Variants in CSMD1 observed in about 807,000 individuals in gnomAD.
CSMD1 encodes CUB and sushi domain-containing protein 1.
Under a neutral mutation model 417.5 loss-of-function variants are expected in CSMD1, and 213 were observed. The observed-to-expected ratio is 0.51, with a 90% CI of 0.46 to 0.57. The LOEUF (loss-of-function observed/expected upper bound fraction) is 0.57. Ranked by LOEUF, CSMD1 falls within the 20% of genes least tolerant of loss-of-function variation. The pLI is 0.00. For missense variants in CSMD1, 6,923 were observed against 4,529.7 expected (o/e 1.53, Z -15.17); for synonymous variants, 2,862 against 1,736.8 (o/e 1.65, Z -16.11).
intron 6 of CSMD1, among the ~76,000 whole-genome samples, chr8:3,715,333 T>C (rs2720790): frequency 0.84 from 128,371 of 152,058 alleles, 54,476 homozygotes; most frequent in East Asian, 0.93. Context: ...TCTACTGTGG[T>C]TGTTTTCCTG....
chr8:4,986,973 A>T (rs1036287104), intron 1 of CSMD1, among the ~76,000 whole-genome samples: 2 of 152,300 alleles, frequency 1.3e-5, no homozygotes, highest in Non-Finnish European at 2.9e-5. Context: ...TATATAATAC[A>T]TAGATAATGT....
chr8:4,257,535 G>T (rs770096960), intron 3 of CSMD1, among the ~76,000 whole-genome samples: 32 of 151,928 alleles, frequency 2.1e-4, no homozygotes, highest in Non-Finnish European at 4.4e-4. Context: ...TTTGAATAAA[G>T]TCCTTTCAAT....
intron 7 of CSMD1, among the ~76,000 whole-genome samples, chr8:3,631,846 T>C (rs1173944274): frequency 1.3e-5 from 2 of 152,202 alleles, no homozygotes; most frequent in African/African-American, 4.8e-5. Context: ...TTAATTTATC[T>C]TTAAAACGTG....
chr8:3,336,513 T>A (rs960936728), intron 23 of CSMD1, among the ~76,000 whole-genome samples: 1 of 152,228 alleles, frequency 6.6e-6, no homozygotes, highest in East Asian at 1.9e-4. Context: ...GCTTCACAGA[T>A]AAAATCAACA....
intron 3 of CSMD1, among the ~76,000 whole-genome samples, chr8:4,064,902 A>C (rs1799166303): frequency 6.6e-6 from 1 of 150,588 alleles, no homozygotes; most frequent in South Asian, 2.1e-4. Context: ...CAAAGTGGTC[A>C]ATTCCATTGA....
intron 3 of CSMD1, among the ~76,000 whole-genome samples, chr8:4,324,082 C>T (rs1469963738): frequency 6.6e-6 from 1 of 152,160 alleles, no homozygotes; most frequent in East Asian, 1.9e-4. Context: ...TTAGATTTTA[C>T]ACCTTTTACC....
intron 1 of CSMD1, among the ~76,000 whole-genome samples, chr8:4,983,390 G>C (rs772248226): frequency 2.0e-5 from 3 of 152,178 alleles, no homozygotes; most frequent in Non-Finnish European, 2.9e-5. Context: ...ATTTATTAAA[G>C]AAACAGTGAA....
intron 2 of CSMD1, among the ~76,000 whole-genome samples, chr8:4,612,330 C>T (rs1285637783): frequency 6.6e-6 from 1 of 150,882 alleles, no homozygotes; most frequent in East Asian, 1.9e-4. Flanking sequence ...CCCCACTTTA[C>T]TTAGGAGCAC....
intron 17 of CSMD1, among the ~76,000 whole-genome samples, chr8:3,390,808 C>G (rs1388387446): frequency 6.6e-6 from 1 of 152,098 alleles, no homozygotes; most frequent in Non-Finnish European, 1.5e-5. Flanking sequence ...AATCAACAGT[C>G]TTTATAAAAC....
At chr8:3,282,197 G>T (rs1177656061) in intron 26 of CSMD1, among the ~76,000 whole-genome samples, 8 of 152,114 alleles carry the variant, frequency 5.3e-5, no homozygotes, top group Admixed American at 5.2e-4. Flanking sequence ...TGAACCCGGA[G>T]AAAACTGTGG....
At chr8:3,751,724 T>G (rs1797353268) in intron 6 of CSMD1, among the ~76,000 whole-genome samples, 1 of 152,112 alleles carries the variant, frequency 6.6e-6, no homozygotes, top group Non-Finnish European at 1.5e-5. Flanking sequence ...ATCTACCATC[T>G]TGGAGCAGCT....
chr8:3,381,884 C>T (rs1810651716), intron 18 of CSMD1, among the ~76,000 whole-genome samples: 1 of 152,162 alleles, frequency 6.6e-6, no homozygotes, highest in African/African-American at 2.4e-5. Context: ...TCTGTGTGTA[C>T]CTGCAATTAC....
chr8:4,014,255 C>T (rs1440683080), intron 4 of CSMD1, among the ~76,000 whole-genome samples: 4 of 152,182 alleles, frequency 2.6e-5, no homozygotes, highest in African/African-American at 7.2e-5. Flanking sequence ...GCAACAAACA[C>T]AGTGCTATAT....
At chr8:3,587,345 G>C (rs571151517) in intron 8 of CSMD1, among the ~76,000 whole-genome samples, 2 of 152,300 alleles carry the variant, frequency 1.3e-5, no homozygotes, top group South Asian at 2.1e-4. Context: ...TTAACTCTCT[G>C]ACAAGCGCAT....
chr8:3,846,061 TAAA>T (rs567094489), intron 5 of CSMD1, among the ~76,000 whole-genome samples: 2 of 148,142 alleles, frequency 1.4e-5, no homozygotes. Flanking sequence ...CAGTTAAAAT[TAAA>T]AAAAAAATAA....
chr8:3,400,480 A>T (rs1462299055), intron 15 of CSMD1, among the ~76,000 whole-genome samples: 1 of 152,124 alleles, frequency 6.6e-6, no homozygotes, highest in Non-Finnish European at 1.5e-5. Flanking sequence ...AAAAAATGTG[A>T]ATTAGTGAAA....
At position 2,951,157 on chromosome 8, in the gene CSMD1, A is replaced by G. The variant is rs754728681; in HGVS notation, c.10158T>C (p.Asn3386=). 7 of 1,613,590 alleles carry G rather than the reference A, an allele frequency of 4.3e-6. No individual in the cohort carries two copies. Among genetic ancestry groups the G allele is most frequent in the Non-Finnish European group, 5.9e-6 (7 of 1,179,652 alleles). The change falls in exon 66 of 70, where the codon AAT becomes AAC. Residue 3386 remains asparagine, a synonymous_variant. Coordinates refer to ENST00000635120, the MANE Select transcript of CSMD1 (RefSeq NM_033225.6). ...DWFNATSSKV[N]ATFSEASPVE... ...CTGGCGAGGCTTCGCTGAAGGTGGC[A>G]TTCACCTTACTGCTTGTTGCATTGA...
chr8:3,788,732 C>T (rs746578930), intron 5 of CSMD1, among the ~76,000 whole-genome samples: 2 of 152,190 alleles, frequency 1.3e-5, no homozygotes, highest in South Asian at 2.1e-4. Context: ...GATTAGAAAG[C>T]ACTTTCACAT....
intron 3 of CSMD1, among the ~76,000 whole-genome samples, chr8:4,328,850 G>C (rs1473009041): frequency 2.0e-5 from 3 of 152,188 alleles, no homozygotes; most frequent in African/African-American, 7.2e-5. Flanking sequence ...ATTCTTGCTA[G>C]AATAATTATA....
Sources: gnomAD v4.1 joint callset for allele counts (sites outside exome capture counted in the v4.1 genomes callset) on GRCh38, gnomAD v4.1.1 for gene constraint, MANE v1.5 for transcripts, NCBI Gene and HGNC (gene_info 2026-07-23, HGNC 2026-07-21) for gene names.